RRM1: variants seen among roughly 807,000 people sequenced by gnomAD.
RRM1 encodes the protein ribonucleoside-diphosphate reductase large subunit.
Under a neutral mutation model 101.5 loss-of-function variants are expected in RRM1, and 19 were observed. The observed-to-expected ratio is 0.19, with a 90% CI of 0.13 to 0.27. RRM1 has a LOEUF of 0.27. Ranked by LOEUF, RRM1 falls within the 10% of genes least tolerant of loss-of-function variation. The pLI is 1.00. For synonymous variants in RRM1, 298 were observed against 323.4 expected (o/e 0.92, Z 0.84); for missense variants, 500 against 962.9 (o/e 0.52, Z 6.36).
At chr11:4,105,697 T>C (rs892436265) in intron 2 of RRM1, 5 of 401,660 alleles carry the variant, frequency 1.2e-5, no homozygotes, top group African/African-American at 6.4e-5. Context: ...CACAGGTGTG[T>C]ACCACCACAC....
rs761972442 is a variant in RRM1, at chr11:4,132,471, G to A, written c.1905+50G>A. 8.2e-5 allele frequency: 131 copies of A among 1,602,508 alleles called. No individual in the cohort carries two copies. Among genetic ancestry groups the A allele is most frequent in the East Asian group, 1.3e-4 (6 of 44,756 alleles). Reference sequence around the variant, plus strand: ...CAGGGAGATCTTTCAAAAGCCTGATGTTGGGAGTAAATGCTCACTCATGTT... The same window carrying A: ...CAGGGAGATCTTTCAAAAGCCTGATATTGGGAGTAAATGCTCACTCATGTT... On this transcript the variant is annotated intron_variant, in intron 16 of 18. Transcript: ENST00000300738. The surrounding 1 kb of genome is among the most constrained non-coding windows in gnomAD (Gnocchi z 4.1).
chr11:4,137,490 C>T (rs75989912), intron 18 of RRM1, among the ~76,000 whole-genome samples: 1 of 71,464 alleles, frequency 1.4e-5, no homozygotes, highest in African/African-American at 5.7e-5. Context: ...CTGGCCGGGC[C>T]GGGGGCTGAA....
Position 4,127,127 on chromosome 11 carries a change from T to C in RRM1, c.1563T>C (p.Ser521=), listed in dbSNP as rs1334074831. The change falls in exon 14 of 19, where the codon AGT becomes AGC. Residue 521 remains serine, a synonymous_variant. Coordinates refer to ENST00000300738, the MANE Select transcript of RRM1 (RefSeq NM_001033.5). The stretch of plus-strand genomic sequence containing the variant: ...TCCTGATGAGATACCCTTTTGAGAG[T>C]GCAGAAGCCCAGTTACTGAATAAGC... ...AFILMRYPFE[S]AEAQLLNKQI... 3 of 1,614,136 alleles carry C rather than the reference T, an allele frequency of 1.9e-6. No homozygotes were observed. Among genetic ancestry groups the C allele is most frequent in the Non-Finnish European group, 2.5e-6 (3 of 1,180,010 alleles).
At chr11:4,138,158 G>T (rs535688696) in intron 18 of RRM1, 37 bp from the exon 19 acceptor site, 20 of 1,225,096 alleles carry the variant, frequency 1.6e-5, no homozygotes, top group Non-Finnish European at 2.1e-5. Flanking sequence ...TATTCTCACA[G>T]AGTTTCTCCT....
In RRM1 at chr11:4,100,330, A is replaced by G. The variant is rs772612249; in HGVS notation, c.20-1663A>G. Among the ~76,000 whole-genome samples, 110 of 152,254 alleles carry G rather than the reference A, an allele frequency of 7.2e-4. 2 individuals are homozygous for G. Among genetic ancestry groups the G allele is most frequent in the Non-Finnish European group, 1.0e-4 (7 of 68,042 alleles). ...ATATTTAGCATGTTTCTTATTGGTT[A>G]CTTCAGGTTGAGTATCCCTTATTCA... On this transcript the variant is annotated intron_variant, in intron 1 of 18. Transcript: ENST00000300738.
Position 4,118,415 on chromosome 11 carries a change from G to T in RRM1, c.746G>T (p.Gly249Val). The T allele has an allele frequency of 6.2e-7, 1 of 1,614,076 alleles. No homozygotes were observed. Among genetic ancestry groups the T allele is most frequent in the Non-Finnish European group, 8.5e-7 (1 of 1,179,996 alleles). Residue 249 changes from glycine (G) to valine (V), a missense_variant, in exon 8 of 19, where the codon GGT becomes GTT. Transcript: ENST00000300738. ...ATTTCTAAGTCTGCTGGAGGAATTGGTGTTGCTGTGAGTTGTATTCGGGCT... is the reference window on the plus strand; with the variant it reads ...ATTTCTAAGTCTGCTGGAGGAATTGTTGTTGCTGTGAGTTGTATTCGGGCT... ...ALISKSAGGI[G>V]VAVSCIRATG... is the part of the protein sequence containing the mutation.
At chr11:4,100,713 T>G (rs1230969044) in intron 1 of RRM1, among the ~76,000 whole-genome samples, 1 of 152,250 alleles carries the variant, frequency 6.6e-6, no homozygotes, top group Non-Finnish European at 1.5e-5. Context: ...TAACGAGGTA[T>G]AGTTGTAACT....
chr11:4,116,675 T>G (rs1002731689), intron 7 of RRM1, among the ~76,000 whole-genome samples: 7 of 152,046 alleles, frequency 4.6e-5, no homozygotes, highest in Non-Finnish European at 8.8e-5. Flanking sequence ...ATTGAGAGAT[T>G]ATAAGAAAAA....
chr11:4,130,066 T>TTATATATATATATATATA lies in RRM1; in HGVS notation c.1769+920_1769+937dup, dbSNP rs746526097. Reference sequence around the variant, plus strand: ...TTAAGAAAATGGACCTGTACTGTATTTATATATATATATATATATATTTTT... The same window carrying TTATATATATATATATATA: ...TTAAGAAAATGGACCTGTACTGTATTTATATATATATATATATATATATATATATATATATATATTTTT... On this transcript the variant is annotated intron_variant, in intron 15 of 18. Transcript: ENST00000300738. 5.3e-3 allele frequency among the ~76,000 whole-genome samples: 176 copies of TTATATATATATATATATA among 32,950 alleles called. 6 individuals carry two copies. Among genetic ancestry groups the TTATATATATATATATATA allele is most frequent in the African/African-American group, 8.0e-3 (79 of 9,816 alleles). 21.6% of individuals were successfully genotyped at this position (32,950 alleles called of 152,430 possible).
Position 4,126,949 on chromosome 11 carries a change from A to G in RRM1, c.1471-86A>G, listed in dbSNP as rs1433301503. 5 of 1,422,742 alleles carry G rather than the reference A, an allele frequency of 3.5e-6. No individual in the cohort carries two copies. In the Admixed American group the frequency reaches 6.0e-5, roughly 17 times the overall value. 88.1% of individuals were successfully genotyped at this position (1,422,742 alleles called of 1,614,324 possible). ...ATCAATAAAATGGTTTGAGAAAAAGAGGTAGTCTGTCTCATTTGGTACAGA... is the reference window on the plus strand; with the variant it reads ...ATCAATAAAATGGTTTGAGAAAAAGGGGTAGTCTGTCTCATTTGGTACAGA... On this transcript the variant is annotated intron_variant, in intron 13 of 18. Coordinates refer to ENST00000300738, the MANE Select transcript of RRM1 (RefSeq NM_001033.5).
chr11:4,118,221 T>C (rs1590722809), intron 7 of RRM1, 99 bp from the exon 8 acceptor site: 4 of 64,492 alleles, frequency 6.2e-5, no homozygotes, highest in Admixed American at 3.6e-4. Flanking sequence ...ACTTCAACTC[T>C]TTTTTTTTTT....
At chr11:4,106,297 C>A (rs1447421772) in intron 3 of RRM1, 74 bp downstream of exon 3, 1 of 1,329,788 alleles carries the variant, frequency 7.5e-7, no homozygotes, top group Non-Finnish European at 1.0e-6. Context: ...TAAATCTTGA[C>A]TGTTTAAAGA....
At chr11:4,128,242 C>T (rs1033613145) in intron 14 of RRM1, among the ~76,000 whole-genome samples, 3 of 150,116 alleles carry the variant, frequency 2.0e-5, no homozygotes, top group Non-Finnish European at 4.4e-5. Flanking sequence ...ATCACTGCAA[C>T]CTCTGCTTCT....
intron 12 of RRM1, among the ~76,000 whole-genome samples, chr11:4,124,057 CAAGT>C (rs1415643809): frequency 1.3e-5 from 2 of 152,050 alleles, no homozygotes; most frequent in African/African-American, 2.4e-5. Context: ...TGCAGTGTGG[CAAGT>C]AAGTCTGTTT....
At chr11:4,100,410 T>C (rs1314813875) in intron 1 of RRM1, among the ~76,000 whole-genome samples, 1 of 152,260 alleles carries the variant, frequency 6.6e-6, no homozygotes, top group Non-Finnish European at 1.5e-5. Context: ...GATTTTGGAA[T>C]ATTCGCATTA....
At position 4,101,566 on chromosome 11, in the gene RRM1, C is replaced by CCCCG. The variant is rs950613224; in HGVS notation, c.20-425_20-424insCGCC. 4.0e-4 allele frequency among the ~76,000 whole-genome samples: 51 copies of CCCCG among 127,122 alleles called. 5 individuals are homozygous for CCCCG. The South Asian group carries it at 4.5e-3, about 11-fold the overall frequency. 83.4% of individuals were successfully genotyped at this position (127,122 alleles called of 152,430 possible). A position where few individuals can be genotyped will look rare whatever the true frequency, so the allele number is the denominator to read the frequency against. On this transcript the variant is annotated intron_variant, in intron 1 of 18. Coordinates refer to ENST00000300738, the MANE Select transcript of RRM1 (RefSeq NM_001033.5). ...TGACCTCCAGTGATCCACACCCCCC[C>CCCCG]CCGCTCCCTTGGCCTCCCAAAGTGC...
chr11:4,130,088 T>TATATATATATATATATA (rs1235882420), intron 15 of RRM1, among the ~76,000 whole-genome samples: 916 of 47,796 alleles, frequency 0.019, 6 homozygotes, highest in African/African-American at 0.029. Flanking sequence ...ATATATATAT[T>TATATATATATATATATA]TTTTTTTTTT....
chr11:4,117,752 C>A (rs572936760), intron 7 of RRM1, among the ~76,000 whole-genome samples: 17 of 152,228 alleles, frequency 1.1e-4, no homozygotes, highest in African/African-American at 3.9e-4. Context: ...TAGATAGAAT[C>A]CATTTGCATG....
Position 4,123,231 on chromosome 11 carries a change from T to A in RRM1, c.1167T>A (p.Leu389=), listed in dbSNP as rs762821069. Residue 389 remains leucine, a synonymous_variant, in exon 12 of 19, where the codon CTT becomes CTA. Transcript: ENST00000300738. ...RVRKVVKAQQ[L]WYAIIESQTE... ...GCAAAGTTGTAAAAGCTCAGCAGCT[T>A]TGGTATGCCATCATTGAGTCTCAGA... 1.9e-5 allele frequency: 31 copies of A among 1,614,130 alleles called. 1 individual carries two copies. The South Asian group carries it at 3.4e-4, about 18-fold the overall frequency.
Sources: gnomAD v4.1 joint callset for allele counts (sites outside exome capture counted in the v4.1 genomes callset) on GRCh38, gnomAD v4.1.1 for gene constraint, Gnocchi (gnomAD v3.1) non-coding constraint, MANE v1.5 for transcripts, NCBI Gene and HGNC (gene_info 2026-07-23, HGNC 2026-07-21) for gene names.